Variants in PRSS55 observed in about 807,000 individuals in gnomAD.
PRSS55 encodes the protein serine protease 55, also known as probable serine protease UNQ9391/PRO34284.
A neutral mutation model predicts 23.6 loss-of-function variants in PRSS55; 41 were observed. That is an observed-to-expected ratio of 1.74 (90% CI 1.35 to 2.26). The LOEUF (loss-of-function observed/expected upper bound fraction) is 2.26, where lower values mean the gene tolerates loss of function less well. PRSS55 is among the 30% of genes most tolerant of loss of function. The pLI, the probability that PRSS55 is intolerant of heterozygous loss-of-function variation, is 0.00. For synonymous variants in PRSS55, 262 were observed against 175.5 expected (o/e 1.49, Z -3.90); for missense variants, 669 against 439.1 (o/e 1.52, Z -4.68).
At chr8:10,529,847 C>G (rs2117016815) in intron 2 of PRSS55, 148 bp downstream of exon 2, 1 of 796,536 alleles carries the variant, frequency 1.3e-6, no homozygotes, top group Non-Finnish European at 2.0e-6. Flanking sequence ...CACCCACCCC[C>G]CAGCCTGTGG....
chr8:10,544,801 C>T (rs541217976), intron 4 of PRSS55, among the ~76,000 whole-genome samples: 4 of 152,210 alleles, frequency 2.6e-5, no homozygotes, highest in South Asian at 2.1e-4. Flanking sequence ...GTCCTATTTC[C>T]TCCTCCTCTT....
At position 10,538,766 on chromosome 8, in the gene PRSS55, T is replaced by A. The variant is rs755329921; in HGVS notation, c.1032T>A (p.His344Gln). ...GGCTCCTGCTCTGTCCCCTGTCCCA[T>A]GTGTTGTTCAGAGCTATTTTGTACT... Reference protein sequence around the residue: ...RSWLLLCPLSHVLFRAILY With the variant: ...RSWLLLCPLSQVLFRAILY The change falls in exon 5 of 5, where the codon CAT (histidine) becomes CAA (glutamine). Residue 344 changes from histidine (H) to glutamine (Q), a missense_variant. His to Gln is a conservative substitution (Grantham distance 24). Coordinates refer to ENST00000328655, the MANE Select transcript of PRSS55 (RefSeq NM_198464.4). The A allele has an allele frequency of 3.8e-6, 6 of 1,595,072 alleles. No individual in the cohort carries two copies. Among genetic ancestry groups the A allele is most frequent in the Non-Finnish European group, 5.1e-6 (6 of 1,172,752 alleles).
intron 4 of PRSS55, among the ~76,000 whole-genome samples, chr8:10,535,477 C>G (rs923772483): frequency 6.6e-6 from 1 of 152,202 alleles, no homozygotes; most frequent in African/African-American, 2.4e-5. Flanking sequence ...AAAGGACTTC[C>G]TTTTCGATAA....
downstream of PRSS55, among the ~76,000 whole-genome samples, chr8:10,541,711 G>C (rs551812669): frequency 6.6e-6 from 1 of 152,168 alleles, no homozygotes; most frequent in Non-Finnish European, 1.5e-5. Context: ...AAGAGCTTCT[G>C]TACTGTGAAG....
downstream of PRSS55, chr8:10,541,017 G>C (rs1413682774): frequency 6.6e-6 from 1 of 152,626 alleles, no homozygotes; most frequent in Non-Finnish European, 1.5e-5. Flanking sequence ...CTGGGGGCTG[G>C]GGTGGGCATA....
rs1443705658 is a variant in PRSS55 at position 10,525,663 on chromosome 8, G to A, written c.78G>A (p.Glu26=). Residue 26 remains glutamate (E), a synonymous_variant, in exon 1 of 5, where the codon GAG becomes GAA. Coordinates refer to ENST00000328655, the MANE Select transcript of PRSS55 (RefSeq NM_198464.4). ...TQLGPRTPLP[E]AGVAILGRAR... Reference sequence around the variant, plus strand: ...TCGGTCCACGGACTCCTCTCCCAGAGGCTGGAGTGGCTATCCTAGGCAGGG... The same window carrying A: ...TCGGTCCACGGACTCCTCTCCCAGAAGCTGGAGTGGCTATCCTAGGCAGGG... 1 of 1,614,166 alleles carries A rather than the reference G, an allele frequency of 6.2e-7. No individual in the cohort carries two copies. The highest frequency in any genetic ancestry group is 8.5e-7 in the Non-Finnish European group (1 of 1,180,018).
At chr8:10,529,370 C>A in intron 1 of PRSS55, 137 bp from the exon 2 acceptor site, 1 of 868,392 alleles carries the variant, frequency 1.2e-6, no homozygotes, top group Non-Finnish European at 1.9e-6. Context: ...CGCTCGGCAG[C>A]CTCAGTGAGC....
rs2117052066 is a variant in PRSS55 at position 10,538,658 on chromosome 8, A to G, written c.924A>G (p.Ala308=). 6.2e-7 allele frequency: 1 copy of G among 1,614,164 alleles called. No homozygotes were observed. Among genetic ancestry groups the G allele is most frequent in the Non-Finnish European group, 8.5e-7 (1 of 1,180,020 alleles). The part of the protein sequence containing the change: ...VTQLEGRPFN[A]EKRRTSVKQK... ...AGCTAGAGGGCAGGCCCTTCAATGC[A>G]GAGAAAAGGAGGACTTCTGTCAAAC... The change falls in exon 5 of 5, where the codon GCA becomes GCG. Residue 308 remains alanine, a synonymous_variant. Coordinates refer to ENST00000328655, the MANE Select transcript of PRSS55 (RefSeq NM_198464.4).
intron 4 of PRSS55, among the ~76,000 whole-genome samples, chr8:10,547,266 C>G (rs1338521123): frequency 6.6e-6 from 1 of 152,212 alleles, no homozygotes; most frequent in Non-Finnish European, 1.5e-5. Context: ...CCGGTGGCCT[C>G]TGACACAGGG....
At chr8:10,533,894 T>C (rs1307174618) in intron 4 of PRSS55, among the ~76,000 whole-genome samples, 1 of 151,930 alleles carries the variant, frequency 6.6e-6, no homozygotes, top group Admixed American at 6.6e-5. Flanking sequence ...TGTGAGAAAA[T>C]TGGTAGTTTT....
At chr8:10,550,311 C>T (rs1030416655) in intron 4 of PRSS55, among the ~76,000 whole-genome samples, 2 of 152,138 alleles carry the variant, frequency 1.3e-5, no homozygotes, top group Admixed American at 6.5e-5. Flanking sequence ...TCTAGAACTC[C>T]CAGCTCCTGA....
downstream of PRSS55, among the ~76,000 whole-genome samples, chr8:10,543,012 G>A (rs967931418): frequency 6.6e-6 from 1 of 151,824 alleles, no homozygotes; most frequent in African/African-American, 2.4e-5. Flanking sequence ...CTTCCTTATT[G>A]CAAGTTTCTG....
intron 4 of PRSS55, among the ~76,000 whole-genome samples, chr8:10,535,193 A>T (rs1054703949): frequency 6.6e-6 from 1 of 152,236 alleles, no homozygotes; most frequent in South Asian, 2.1e-4. Flanking sequence ...CAATGACATT[A>T]TTCACAGAAT....
At chr8:10,527,189 G>C (rs7815715) in intron 1 of PRSS55, among the ~76,000 whole-genome samples, 60,692 of 152,168 alleles carry the variant, frequency 0.4, 12,510 homozygotes, top group East Asian at 0.55. Flanking sequence ...TGTTAAAAAT[G>C]CCCCATGAGC....
intron 4 of PRSS55, among the ~76,000 whole-genome samples, 178 bp downstream of exon 4, chr8:10,533,226 GAGC>G (rs1812335017): frequency 6.6e-6 from 1 of 152,188 alleles, no homozygotes; most frequent in Non-Finnish European, 1.5e-5. Flanking sequence ...AGCTGTGAGT[GAGC>G]ACCCTGGGAG....
In PRSS55 at chr8:10,525,880, C is replaced by T. The variant is rs373116787; in HGVS notation, c.154+141C>T. 334 of 911,300 alleles carry T rather than the reference C, an allele frequency of 3.7e-4. 1 individual carries two copies. In the African/African-American group the frequency reaches 4.9e-3, roughly 14 times the overall value. 56.5% of individuals were successfully genotyped at this position (911,300 alleles called of 1,614,324 possible). ...TCTCCAAACCACTTGTCCTTTCTCT[C>T]CTCTCTCCCCTGGCCCAGTGTTTGA... On this transcript the variant is annotated intron_variant, in intron 1 of 4. Coordinates refer to ENST00000328655, the MANE Select transcript of PRSS55 (RefSeq NM_198464.4).
At chr8:10,552,725 C>G (rs1453310039) in intron 4 of PRSS55, among the ~76,000 whole-genome samples, 2 of 152,156 alleles carry the variant, frequency 1.3e-5, no homozygotes. Context: ...GACACATGAC[C>G]TCACACCTGT....
At chr8:10,540,789 C>G (rs1274851161), downstream of PRSS55, 2 of 152,204 alleles carry the variant, frequency 1.3e-5, no homozygotes, top group Non-Finnish European at 2.9e-5. Flanking sequence ...TCCAGAGGTC[C>G]TACAGCTACA....
chr8:10,526,155 C>T (rs1483339814), intron 1 of PRSS55, among the ~76,000 whole-genome samples: 1 of 152,178 alleles, frequency 6.6e-6, no homozygotes, highest in African/African-American at 2.4e-5. Flanking sequence ...CCCCAGAGCT[C>T]CCTGATGGCT....
Sources: allele counts gnomAD v4.1 joint callset (sites outside exome capture counted in the v4.1 genomes callset), GRCh38; gene constraint gnomAD v4.1.1; transcripts MANE v1.5; gene names NCBI Gene and HGNC (gene_info 2026-07-23, HGNC 2026-07-21).